ROBO2: variants seen among roughly 807,000 people sequenced by gnomAD.
The protein encoded by ROBO2 is roundabout homolog 2.
ROBO2 carries 53 observed loss-of-function variants against 160.8 expected under a neutral mutation model. The observed-to-expected ratio is 0.33, with a 90% confidence interval of 0.26 to 0.41. The LOEUF (loss-of-function observed/expected upper bound fraction) is 0.41. Among genes scored for constraint, ROBO2 ranks in the 10% least tolerant of loss-of-function variants. ROBO2 has a pLI of 1.00. For synonymous variants in ROBO2, 664 were observed against 611.7 expected, an observed-to-expected ratio of 1.09 and a Z score of -1.26; for missense variants, 1,577 against 1,722.4, an observed-to-expected ratio of 0.92 and a Z score of 1.49.
intron 2 of ROBO2, among the ~76,000 whole-genome samples, chr3:76,139,417 T>A (rs1057479503): frequency 1.3e-5 from 2 of 152,148 alleles, no homozygotes; most frequent in Admixed American, 1.3e-4. Flanking sequence ...TCTCTGAATC[T>A]ACTGATGATG....
intron 2 of ROBO2, among the ~76,000 whole-genome samples, chr3:77,291,564 T>C (rs1483588694): frequency 2.8e-5 from 4 of 144,514 alleles, no homozygotes; most frequent in Non-Finnish European, 6.0e-5. Flanking sequence ...AAAGTAAAAT[T>C]GATGGTTAAA....
At chr3:76,379,038 C>T (rs900346929) in intron 2 of ROBO2, among the ~76,000 whole-genome samples, 1 of 152,020 alleles carries the variant, frequency 6.6e-6, no homozygotes, top group Non-Finnish European at 1.5e-5. Context: ...ATCAGCATTG[C>T]TTAGACTGTG....
rs192030039 is a variant in ROBO2 at position 76,018,708 on chromosome 3, G to A, written c.109+81106G>A. ...GGAATTGGCTAATATTTGCATTATG[G>A]CCTCCCCACATGGTTAGTTTCTCTC... On this transcript the variant is annotated intron_variant, in intron 2 of 26. Transcript: ENST00000487694. 1.8e-4 allele frequency among the ~76,000 whole-genome samples: 28 copies of A among 151,870 alleles called. 1 individual carries two copies. Among genetic ancestry groups the A allele is most frequent in the African/African-American group, 6.5e-4 (27 of 41,458 alleles).
At chr3:76,015,394 A>G (rs919688273) in intron 2 of ROBO2, among the ~76,000 whole-genome samples, 2 of 152,212 alleles carry the variant, frequency 1.3e-5, no homozygotes, top group Admixed American at 1.3e-4. Context: ...TGCAAATTGA[A>G]AAAAACAGAT....
At chr3:76,662,380 G>T (rs565319186) in intron 2 of ROBO2, among the ~76,000 whole-genome samples, 1 of 152,058 alleles carries the variant, frequency 6.6e-6, no homozygotes, top group South Asian at 2.1e-4. Context: ...TATTTATGGG[G>T]TACATATGAT....
intron 2 of ROBO2, among the ~76,000 whole-genome samples, chr3:76,416,425 T>TGG (rs138359784): frequency 7.2e-5 from 11 of 151,822 alleles, no homozygotes; most frequent in Non-Finnish European, 1.2e-4. Flanking sequence ...TGTGTGTGTG[T>TGG]GGGGGGGAAA....
At chr3:76,875,356 A>G (rs1054032259) in intron 2 of ROBO2, among the ~76,000 whole-genome samples, 1 of 152,206 alleles carries the variant, frequency 6.6e-6, no homozygotes, top group South Asian at 2.1e-4. Context: ...GCACAAAGGG[A>G]CTAAGACAAT....
intron 2 of ROBO2, among the ~76,000 whole-genome samples, chr3:76,339,854 T>C (rs556448860): frequency 6.6e-6 from 1 of 152,142 alleles, no homozygotes; most frequent in Non-Finnish European, 1.5e-5. Context: ...ATTAAAATCT[T>C]GTAATGTTTG....
intron 2 of ROBO2, among the ~76,000 whole-genome samples, chr3:76,727,320 T>C (rs1320316526): frequency 6.6e-6 from 1 of 151,938 alleles, no homozygotes; most frequent in Non-Finnish European, 1.5e-5. Flanking sequence ...ATGAAGAAAA[T>C]AGAAAGGAAG....
chr3:77,123,865 A>T (rs1271588644), intron 2 of ROBO2, among the ~76,000 whole-genome samples: 5 of 148,510 alleles, frequency 3.4e-5, no homozygotes, highest in African/African-American at 1.2e-4. Context: ...AGATACATAG[A>T]TACATATATA....
chr3:77,425,074 A>G (rs1184232002), intron 2 of ROBO2, among the ~76,000 whole-genome samples: 1 of 152,070 alleles, frequency 6.6e-6, no homozygotes, highest in African/African-American at 2.4e-5. Context: ...CTAATATTTG[A>G]GTGAAAGGCA....
At chr3:77,349,058 T>G (rs1333195299) in intron 2 of ROBO2, among the ~76,000 whole-genome samples, 1 of 152,166 alleles carries the variant, frequency 6.6e-6, no homozygotes, top group East Asian at 1.9e-4. Context: ...TTACCTAACA[T>G]CAGCCTAGCC....
chr3:76,223,345 T>C (rs1416592099), intron 2 of ROBO2, among the ~76,000 whole-genome samples: 1 of 151,488 alleles, frequency 6.6e-6, no homozygotes, highest in African/African-American at 2.4e-5. Context: ...CCCCCTCAGA[T>C]AGAGATGAAA....
At chr3:77,246,321 A>ATG (rs1277205218) in intron 2 of ROBO2, among the ~76,000 whole-genome samples, 9 of 110,534 alleles carry the variant, frequency 8.1e-5, no homozygotes, top group Non-Finnish European at 1.1e-4. Context: ...CTGAGAGTGT[A>ATG]TGTGTATGTG....
At chr3:76,300,934 A>G (rs986389510) in intron 2 of ROBO2, among the ~76,000 whole-genome samples, 1 of 152,144 alleles carries the variant, frequency 6.6e-6, no homozygotes, top group Non-Finnish European at 1.5e-5. Flanking sequence ...GTCACATGAC[A>G]TACTCTTTAT....
intron 2 of ROBO2, among the ~76,000 whole-genome samples, chr3:77,113,071 C>T (rs935054648): frequency 4.6e-5 from 7 of 152,088 alleles, no homozygotes; most frequent in African/African-American, 1.7e-4. Context: ...TTGAAAAGTC[C>T]TTGAAAAAAT....
chr3:77,638,329 C>T (rs1266519839), intron 24 of ROBO2, among the ~76,000 whole-genome samples: 1 of 152,168 alleles, frequency 6.6e-6, no homozygotes, highest in Non-Finnish European at 1.5e-5. Context: ...TTGCTGTTTT[C>T]TAAGCAGTAT....
At chr3:77,017,182 G>A (rs186241195) in intron 2 of ROBO2, among the ~76,000 whole-genome samples, 7 of 152,276 alleles carry the variant, frequency 4.6e-5, no homozygotes, top group Admixed American at 2.0e-4. Context: ...CTACTAGAAT[G>A]TAAGAATGTT....
At chr3:76,126,784 T>C (rs554115424) in intron 2 of ROBO2, among the ~76,000 whole-genome samples, 1 of 152,272 alleles carries the variant, frequency 6.6e-6, no homozygotes, top group South Asian at 2.1e-4. Flanking sequence ...TTCATTATTA[T>C]TAAGCATTAA....
Sources: gnomAD v4.1 joint callset for allele counts (sites outside exome capture counted in the v4.1 genomes callset) on GRCh38, gnomAD v4.1.1 for gene constraint, MANE v1.5 for transcripts, NCBI Gene and HGNC (gene_info 2026-07-23, HGNC 2026-07-21) for gene names.